The following NFIA variants were observed in gnomAD, a reference collection of about 807,000 sequenced individuals.
NFIA encodes nuclear factor I A, also known as nuclear factor 1 A-type.
NFIA carries 8 observed loss-of-function variants against 62.8 expected under a neutral mutation model. The ratio of observed to expected loss-of-function variants is 0.13; its 90% CI spans 0.07 to 0.23. NFIA has a LOEUF of 0.23. Ranked by LOEUF, NFIA falls within the 10% of genes least tolerant of loss-of-function variation. The probability of loss-of-function intolerance (pLI) is 1.00; values close to 1 mark genes in which losing one functional copy is unlikely to be tolerated. For missense variants in NFIA, 410 were observed against 642.1 expected, an observed-to-expected ratio of 0.64 and a Z score of 3.91; for synonymous variants, 235 against 238.1, an observed-to-expected ratio of 0.99 and a Z score of 0.12.
At chr1:61,277,865 G>T (rs12562657) in intron 3 of NFIA, among the ~76,000 whole-genome samples, 1 of 152,058 alleles carries the variant, frequency 6.6e-6, no homozygotes, top group South Asian at 2.1e-4. Flanking sequence ...TATGAGAAGT[G>T]GGGTTAATTT....
chr1:61,147,813 A>C (rs1257413528), intron 2 of NFIA, among the ~76,000 whole-genome samples: 1 of 152,156 alleles, frequency 6.6e-6, no homozygotes, highest in African/African-American at 2.4e-5. Flanking sequence ...TGGATTAAGA[A>C]AAGTAGCTTG....
chr1:61,251,288 G>A (rs1291971294), intron 2 of NFIA: 1 of 152,178 alleles, frequency 6.6e-6, no homozygotes, highest in Non-Finnish European at 1.5e-5. Flanking sequence ...CACACACCTT[G>A]TCGAAGTGGG....
At chr1:61,392,176 T>A (rs1665015796) in intron 7 of NFIA, among the ~76,000 whole-genome samples, 1 of 151,782 alleles carries the variant, frequency 6.6e-6, no homozygotes, top group Non-Finnish European at 1.5e-5. Context: ...GCGTTGTGGA[T>A]GGGATTTGAA....
In NFIA at chr1:61,277,644, G is replaced by A. The variant is rs1055532473; in HGVS notation, c.625+59G>A. 113 of 1,568,486 alleles carry A rather than the reference G, an allele frequency of 7.2e-5. 2 individuals are homozygous for A. In the South Asian group the frequency reaches 1.1e-3, roughly 16 times the overall value. On this transcript the variant is annotated intron_variant, in intron 3 of 10. Coordinates refer to ENST00000403491, the MANE Select transcript of NFIA (RefSeq NM_001134673.4). Reference sequence around the variant, plus strand: ...CAGAGTCCACAGCAGCCAGCAGGCCGACTAAGTGTGAGGATTTGGGGGCCT... The same window carrying A: ...CAGAGTCCACAGCAGCCAGCAGGCCAACTAAGTGTGAGGATTTGGGGGCCT...
upstream of NFIA, among the ~76,000 whole-genome samples, chr1:61,080,667 G>T (rs533947249): frequency 6.6e-6 from 1 of 152,288 alleles, no homozygotes; most frequent in South Asian, 2.1e-4. Flanking sequence ...AAAGCAGTGG[G>T]TTAAGTTTGG....
upstream of NFIA, among the ~76,000 whole-genome samples, chr1:61,081,446 C>G (rs1646094030): frequency 6.6e-6 from 1 of 152,140 alleles, no homozygotes; most frequent in South Asian, 2.1e-4. Flanking sequence ...CAGAGGTGTC[C>G]CAGAAACTGG....
At chr1:61,353,117 C>A (rs1662642709) in intron 5 of NFIA, among the ~76,000 whole-genome samples, 1 of 151,982 alleles carries the variant, frequency 6.6e-6, no homozygotes, top group South Asian at 2.1e-4. Context: ...TCAGTGCCAG[C>A]TCTTTTCCCA....
chr1:61,227,457 C>T (rs962586271), intron 2 of NFIA, among the ~76,000 whole-genome samples: 2 of 152,142 alleles, frequency 1.3e-5, no homozygotes, highest in South Asian at 2.1e-4. Context: ...TTAAAAGTCA[C>T]GATAGAGAAA....
At chr1:61,361,979 C>A (rs912738011) in intron 6 of NFIA, among the ~76,000 whole-genome samples, 3 of 152,070 alleles carry the variant, frequency 2.0e-5, no homozygotes, top group African/African-American at 7.2e-5. Context: ...TACATTTGGC[C>A]ATACTCAGCA....
chr1:61,388,911 G>A (rs915505947), intron 7 of NFIA, among the ~76,000 whole-genome samples: 1 of 152,122 alleles, frequency 6.6e-6, no homozygotes, highest in Non-Finnish European at 1.5e-5. Context: ...CCAGGGGTTT[G>A]AGACCAGCCT....
At chr1:61,347,816 A>G (rs1278240537) in intron 4 of NFIA, among the ~76,000 whole-genome samples, 2 of 152,150 alleles carry the variant, frequency 1.3e-5, no homozygotes, top group South Asian at 4.1e-4. Flanking sequence ...GACAAATACT[A>G]TATGTGGGAG....
intron 9 of NFIA, among the ~76,000 whole-genome samples, chr1:61,423,720 G>A (rs938198113): frequency 2.0e-5 from 3 of 152,118 alleles, no homozygotes; most frequent in African/African-American, 4.8e-5. Flanking sequence ...TTATTCAACA[G>A]TGTAATTCCC....
rs1666935254 is a variant in NFIA at position 61,427,782 on chromosome 1, A to G, written c.1512+1226A>G. Among the ~76,000 whole-genome samples the G allele has an allele frequency of 3.9e-5, 6 of 152,166 alleles. No homozygotes were observed. The South Asian group carries it at 1.2e-3, about 32-fold the overall frequency. Reference sequence around the variant, plus strand: ...GAGAAGGTTAACTCTTGAATTTCCCACCTCTGCTGTTTCTTCTTAAACTGG... The same window carrying G: ...GAGAAGGTTAACTCTTGAATTTCCCGCCTCTGCTGTTTCTTCTTAAACTGG... On this transcript the variant is annotated intron_variant, in intron 10 of 10. Coordinates refer to ENST00000403491, the MANE Select transcript of NFIA (RefSeq NM_001134673.4).
intron 3 of NFIA, among the ~76,000 whole-genome samples, chr1:61,306,910 G>A (rs889591661): frequency 1.1e-4 from 16 of 152,174 alleles, no homozygotes; most frequent in African/African-American, 3.9e-4. Context: ...TTAGGAACCA[G>A]CCTGCTCCAG....
At chr1:61,360,014 G>T (rs546234685) in intron 6 of NFIA, among the ~76,000 whole-genome samples, 2 of 152,072 alleles carry the variant, frequency 1.3e-5, no homozygotes, top group African/African-American at 4.8e-5. Context: ...GGTTCCTTGC[G>T]ATAGTTTAGA....
At chr1:61,192,358 G>A (rs963427938) in intron 2 of NFIA, among the ~76,000 whole-genome samples, 1 of 152,010 alleles carries the variant, frequency 6.6e-6, no homozygotes, top group East Asian at 1.9e-4. Flanking sequence ...TTCTAAATTA[G>A]CAAGTTTTAG....
rs191277252 is a variant in NFIA, at chr1:61,343,883, G to T, written c.701-8567G>T. Among the ~76,000 whole-genome samples the T allele has an allele frequency of 3.2e-4, 49 of 152,320 alleles. 1 individual carries two copies. In the Middle Eastern group the frequency reaches 0.02, roughly 63 times the overall value. ...CTCACACTGCAGCAGTCTGCTATCTGCAGGGTGTCTGAATTATAGCAGTCT... is the reference window on the plus strand; with the variant it reads ...CTCACACTGCAGCAGTCTGCTATCTTCAGGGTGTCTGAATTATAGCAGTCT... On this transcript the variant is annotated intron_variant, in intron 4 of 10. Coordinates refer to ENST00000403491, the MANE Select transcript of NFIA (RefSeq NM_001134673.4).
intron 2 of NFIA, among the ~76,000 whole-genome samples, chr1:61,227,330 G>C (rs1044701842): frequency 2.6e-5 from 4 of 151,734 alleles, no homozygotes; most frequent in Non-Finnish European, 5.9e-5. Flanking sequence ...TTAGAAATTG[G>C]TTGAGCTGTT....
At chr1:61,082,176 A>C (rs1570106412), upstream of NFIA, 1 of 288,400 alleles carries the variant, frequency 3.5e-6, no homozygotes, top group South Asian at 2.4e-5. Context: ...TCACTGCGTT[A>C]CCCAGTAATG....
Sources: gnomAD v4.1 joint callset for allele counts (sites outside exome capture counted in the v4.1 genomes callset) on GRCh38, gnomAD v4.1.1 for gene constraint, MANE v1.5 for transcripts, NCBI Gene and HGNC (gene_info 2026-07-23, HGNC 2026-07-21) for gene names.